Variants in PBX1 observed in about 807,000 individuals in gnomAD.
PBX1 encodes pre-B-cell leukemia transcription factor 1.
PBX1 carries 6 observed loss-of-function variants against 53.4 expected under a neutral mutation model. That is an observed-to-expected ratio of 0.11 (90% CI 0.06 to 0.22). PBX1 has a LOEUF of 0.22. Ranked by LOEUF, PBX1 falls within the 10% of genes least tolerant of loss-of-function variation. The pLI is 1.00. For synonymous variants in PBX1, 204 were observed against 212.3 expected (o/e 0.96, Z 0.34); for missense variants, 251 against 551.4 (o/e 0.46, Z 5.46).
intron 2 of PBX1, among the ~76,000 whole-genome samples, chr1:164,737,117 C>G (rs193120716): frequency 1.3e-5 from 2 of 152,158 alleles, no homozygotes; most frequent in East Asian, 1.9e-4. Context: ...TTTTAGCAGT[C>G]CTGAGAAGTC....
intron 7 of PBX1, among the ~76,000 whole-genome samples, chr1:164,820,985 A>T (rs981346540): frequency 6.6e-6 from 1 of 152,206 alleles, no homozygotes; most frequent in African/African-American, 2.4e-5. Flanking sequence ...TTCTTGAGAA[A>T]CATTGCCTGG....
intron 2 of PBX1, among the ~76,000 whole-genome samples, chr1:164,736,557 G>A (rs1393866627): frequency 1.3e-5 from 2 of 152,018 alleles, no homozygotes; most frequent in South Asian, 2.1e-4. Context: ...TAAAGAAAAG[G>A]GAAAAAGCCA....
At chr1:164,835,099 T>C (rs894529609) in intron 8 of PBX1, among the ~76,000 whole-genome samples, 2 of 152,184 alleles carry the variant, frequency 1.3e-5, no homozygotes, top group Admixed American at 1.3e-4. Flanking sequence ...ACTAAAAATG[T>C]GTTATGAATA....
intron 2 of PBX1, among the ~76,000 whole-genome samples, chr1:164,765,647 G>T (rs1358515987): frequency 6.6e-6 from 1 of 152,168 alleles, no homozygotes; most frequent in African/African-American, 2.4e-5. Flanking sequence ...GATAAATGTG[G>T]TTCTCCCCAG....
At position 164,667,491 on chromosome 1, in the gene PBX1, A is replaced by G. The variant is rs185302949; in HGVS notation, c.265+104180A>G. On this transcript the variant is annotated intron_variant, in intron 2 of 8. Coordinates refer to ENST00000420696, the MANE Select transcript of PBX1 (RefSeq NM_002585.4). ...GCAGAGCAATAACTTCGACCCTGGCAGAACTACAGAGAAGCAGTGGACATT... is the reference window on the plus strand; with the variant it reads ...GCAGAGCAATAACTTCGACCCTGGCGGAACTACAGAGAAGCAGTGGACATT... Among the ~76,000 whole-genome samples, 74 of 152,196 alleles carry G rather than the reference A, an allele frequency of 4.9e-4. 1 individual carries two copies. Among genetic ancestry groups the G allele is most frequent in the African/African-American group, 1.7e-3 (72 of 41,512 alleles).
intron 2 of PBX1, among the ~76,000 whole-genome samples, chr1:164,785,784 T>C (rs559352925): frequency 6.6e-6 from 1 of 152,320 alleles, no homozygotes; most frequent in Admixed American, 6.5e-5. Flanking sequence ...ACAACCTCTA[T>C]GTGGCCCCTT....
chr1:164,590,481 C>G (rs1655297371), intron 2 of PBX1: 2 of 455,698 alleles, frequency 4.4e-6, no homozygotes, highest in Non-Finnish European at 4.4e-6. Flanking sequence ...CCTAAACTGA[C>G]GAGGAGGAAG....
intron 2 of PBX1, among the ~76,000 whole-genome samples, chr1:164,708,392 T>C (rs560449288): frequency 7.1e-6 from 1 of 141,004 alleles, no homozygotes; most frequent in Non-Finnish European, 1.6e-5. Context: ...TTAAAAAAAA[T>C]ATTTTCTTTT....
At chr1:164,722,476 C>T (rs1664462768) in intron 2 of PBX1, among the ~76,000 whole-genome samples, 1 of 152,158 alleles carries the variant, frequency 6.6e-6, no homozygotes, top group African/African-American at 2.4e-5. Context: ...AATTGTTTTG[C>T]CACAAAGTTA....
chr1:164,856,657 T>C (rs1010057858), downstream of PBX1, among the ~76,000 whole-genome samples: 2 of 152,168 alleles, frequency 1.3e-5, no homozygotes, highest in Non-Finnish European at 2.9e-5. Flanking sequence ...TTTCCTATGC[T>C]ACACCTTCAG....
At chr1:164,634,923 ATTC>A (rs1278315787) in intron 2 of PBX1, among the ~76,000 whole-genome samples, 4 of 152,052 alleles carry the variant, frequency 2.6e-5, no homozygotes, top group Non-Finnish European at 4.4e-5. Context: ...CTTGGAGCCT[ATTC>A]TTAGCATCAT....
At chr1:164,770,322 C>G (rs368782912) in intron 2 of PBX1, 1 of 152,210 alleles carries the variant, frequency 6.6e-6, no homozygotes, top group Non-Finnish European at 1.5e-5. Flanking sequence ...AAGGACATCT[C>G]TCACTTGAAA....
rs541559156 is a variant in PBX1 at position 164,723,587 on chromosome 1, A to G, written c.266-68907A>G. ...TGCATGGTGGAAGGCCAAGAAACAC[A>G]TTCAGAGAAGGGGCGTGGACTTGTC... On this transcript the variant is annotated intron_variant, in intron 2 of 8. Transcript: ENST00000420696. 3.3e-5 allele frequency among the ~76,000 whole-genome samples: 5 copies of G among 152,318 alleles called. No homozygotes were observed. In the South Asian group the frequency reaches 6.2e-4, roughly 19 times the overall value.
At chr1:164,703,947 A>T (rs1663278481) in intron 2 of PBX1, among the ~76,000 whole-genome samples, 1 of 152,170 alleles carries the variant, frequency 6.6e-6, no homozygotes, top group Non-Finnish European at 1.5e-5. Context: ...CCTGAATTGC[A>T]TTTGAATCAG....
intron 2 of PBX1, among the ~76,000 whole-genome samples, chr1:164,634,435 TTTA>T (rs1223041162): frequency 8.5e-5 from 13 of 152,320 alleles, no homozygotes. Context: ...TCCTAAAGCA[TTTA>T]TTATTTCATG....
chr1:164,718,030 T>C lies in PBX1; in HGVS notation c.266-74464T>C, dbSNP rs559925351. Among the ~76,000 whole-genome samples, 19 of 152,360 alleles carry C rather than the reference T, an allele frequency of 1.2e-4. No homozygotes were observed. The South Asian group carries it at 3.9e-3, about 32-fold the overall frequency. The stretch of plus-strand genomic sequence containing the variant: ...ATGACATTATCCCCATTTGCGTAGA[T>C]TCAAAACTGAGGTTCAAAGTAAGTA... On this transcript the variant is annotated intron_variant, in intron 2 of 8. Coordinates refer to ENST00000420696, the MANE Select transcript of PBX1 (RefSeq NM_002585.4).
rs1672689930 is a variant in PBX1, at chr1:164,882,722, G to A, written n.258-16466G>A. ...CTCAAAATACTGGGATTACAGGCATGAGCTACCATGCCCAGCCTCTGATGT... is the reference window on the plus strand; with the variant it reads ...CTCAAAATACTGGGATTACAGGCATAAGCTACCATGCCCAGCCTCTGATGT... On this transcript the variant is annotated intron_variant and non_coding_transcript_variant, in intron 2 of 2. Coordinates refer to the PBX1 transcript ENST00000558796. Among the ~76,000 whole-genome samples the A allele has an allele frequency of 3.3e-5, 5 of 152,256 alleles. No individual in the cohort carries two copies. In the South Asian group the frequency reaches 1.0e-3, roughly 32 times the overall value.
At position 164,874,378 on chromosome 1, in the gene PBX1, G is replaced by T. The variant is rs907616800; in HGVS notation, n.258-24810G>T. On this transcript the variant is annotated intron_variant and non_coding_transcript_variant, in intron 2 of 2. Coordinates refer to the PBX1 transcript ENST00000558796. ...TATGTAAGCATATGTATTAGATCAT[G>T]TATGTTATGATGTTATTTAACTATA... Among the ~76,000 whole-genome samples the T allele has an allele frequency of 2.6e-5, 4 of 152,156 alleles. 1 individual carries two copies. The highest frequency in any genetic ancestry group is 9.7e-5 in the African/African-American group (4 of 41,446).
chr1:164,674,419 T>A (rs1661303961), intron 2 of PBX1: 1 of 152,242 alleles, frequency 6.6e-6, no homozygotes, highest in Non-Finnish European at 1.5e-5. Flanking sequence ...TTGGCCAAAG[T>A]CACCATTGCT....
Sources: gnomAD v4.1 joint callset for allele counts (sites outside exome capture counted in the v4.1 genomes callset) on GRCh38, gnomAD v4.1.1 for gene constraint, MANE v1.5 for transcripts, NCBI Gene and HGNC (gene_info 2026-07-23, HGNC 2026-07-21) for gene names.